The following TRIM5 variants were observed in gnomAD, a reference collection of about 807,000 sequenced individuals.
TRIM5 encodes tripartite motif containing 5, also known as tripartite motif-containing protein 5.
Under a neutral mutation model 35.6 loss-of-function variants are expected in TRIM5, and 31 were observed. The ratio of observed to expected loss-of-function variants is 0.87; its 90% confidence interval spans 0.65 to 1.18. The LOEUF is 1.18. TRIM5 is among the 50% of genes most tolerant of loss of function. The pLI is 0.00. For missense variants in TRIM5, 609 were observed against 591.6 expected (o/e 1.03, Z -0.31); for synonymous variants, 243 against 215.6 (o/e 1.13, Z -1.11).
chr11:5,667,332 G>A (rs911478346), intron 5 of TRIM5, among the ~76,000 whole-genome samples: 8 of 150,288 alleles, frequency 5.3e-5, no homozygotes, highest in Non-Finnish European at 7.4e-5. Flanking sequence ...TCAGCCTCCC[G>A]AATAGCTGGG....
downstream of TRIM5, among the ~76,000 whole-genome samples, chr11:5,659,938 G>A (rs1427565823): frequency 6.6e-6 from 1 of 151,738 alleles, no homozygotes; most frequent in African/African-American, 2.4e-5. Context: ...TTCTTTACGG[G>A]TACTCTACCA....
chr11:5,634,247 G>A, the TRIM5 span, among the ~76,000 whole-genome samples: 1 of 151,994 alleles, frequency 6.6e-6, no homozygotes, highest in Non-Finnish European at 1.5e-5. Context: ...GGTAAGGCAG[G>A]CAGTCATGAA....
At chr11:5,666,479 T>C (rs1310076814) in intron 5 of TRIM5, among the ~76,000 whole-genome samples, 3 of 152,082 alleles carry the variant, frequency 2.0e-5, no homozygotes, top group East Asian at 1.9e-4. Flanking sequence ...TCGCTATGTA[T>C]GTTGAGTTCC....
the TRIM5 span, among the ~76,000 whole-genome samples, chr11:5,657,122 T>C: frequency 6.6e-6 from 1 of 152,184 alleles, no homozygotes; most frequent in Non-Finnish European, 1.5e-5. Flanking sequence ...CATGGAATAC[T>C]ATGCAGCTAC....
chr11:5,602,968 AG>A, the TRIM5 span, among the ~76,000 whole-genome samples: 1 of 152,192 alleles, frequency 6.6e-6, no homozygotes, highest in Non-Finnish European at 1.5e-5. Context: ...AAGAAAAAAA[AG>A]AAAAGATCAC....
the TRIM5 span, chr11:5,604,530 C>G: frequency 2.5e-6 from 4 of 1,608,298 alleles, no homozygotes; most frequent in Non-Finnish European, 3.4e-6. Flanking sequence ...TTGTTTTCTT[C>G]AAGGAGAAGT....
chr11:5,630,596 C>A, the TRIM5 span, among the ~76,000 whole-genome samples: 1 of 152,194 alleles, frequency 6.6e-6, no homozygotes, highest in South Asian at 2.1e-4. Context: ...TTCCATGATT[C>A]CTTCTGCCTA....
the TRIM5 span, among the ~76,000 whole-genome samples, chr11:5,656,434 A>G: frequency 6.6e-6 from 1 of 151,514 alleles, no homozygotes; most frequent in South Asian, 2.1e-4. Flanking sequence ...GCTTACTGCA[A>G]CCTCTGCCTC....
the TRIM5 span, chr11:5,643,401 C>T: frequency 5.0e-6 from 8 of 1,614,124 alleles, no homozygotes; most frequent in Non-Finnish European, 5.9e-6. Context: ...TCGTCAAAAT[C>T]TTTACACCAA....
Position 5,678,225 on chromosome 11 carries a change from C to T in TRIM5, c.723G>A (p.Gly241=), listed in dbSNP as rs1489784053. ...TTACCTGAAGCAGCTCCATCACTGACCCCTGCAGCCGATGCTCCAGATCTG... is the reference window on the plus strand; with the variant it reads ...TTACCTGAAGCAGCTCCATCACTGATCCCTGCAGCCGATGCTCCAGATCTG... ...LISDLEHRLQ[G]SVMELLQGVD... is the part of the protein sequence containing the mutation. Residue 241 remains glycine, a synonymous_variant, in exon 4 of 8, where the codon GGG becomes GGA. Transcript: ENST00000380034. 3.1e-6 allele frequency: 5 copies of T among 1,612,810 alleles called. No homozygotes were observed. In the African/African-American group the frequency reaches 6.7e-5, roughly 22 times the overall value.
At position 5,664,374 on chromosome 11, in the gene TRIM5, C is replaced by T. The variant is rs61047121; in HGVS notation, c.*435G>A. The stretch of plus-strand genomic sequence containing the variant: ...CATTTATGATATTTTCTCTTTAACT[C>T]ACAAATAAGGGCATCGAGGGTAAAC... On this transcript the variant is annotated 3_prime_UTR_variant, in exon 8 of 8. Coordinates refer to ENST00000380034, the MANE Select transcript of TRIM5 (RefSeq NM_033034.3). 12 of 993,292 alleles carry T rather than the reference C, an allele frequency of 1.2e-5. No homozygotes were observed. The Admixed American group carries it at 6.7e-4, about 56-fold the overall frequency. 61.5% of individuals were successfully genotyped at this position (993,292 alleles called of 1,614,324 possible).
At chr11:5,618,804 A>T in the TRIM5 span, among the ~76,000 whole-genome samples, 4 of 152,234 alleles carry the variant, frequency 2.6e-5, no homozygotes, top group Non-Finnish European at 5.9e-5. Flanking sequence ...AGGAAATTCT[A>T]TTTTAAGCTT....
At chr11:5,628,474 T>C in the TRIM5 span, among the ~76,000 whole-genome samples, 2 of 152,230 alleles carry the variant, frequency 1.3e-5, no homozygotes, top group Non-Finnish European at 1.5e-5. Flanking sequence ...TTAGTATCTG[T>C]ACCATTGGCT....
chr11:5,608,530 G>A, the TRIM5 span: 1 of 1,372,740 alleles, frequency 7.3e-7, no homozygotes, highest in Non-Finnish European at 9.7e-7. Context: ...ATCACATGGA[G>A]TTTTGGCATC....
At chr11:5,641,095 GTTC>G in the TRIM5 span, 396 of 1,463,568 alleles carry the variant, frequency 2.7e-4, 1 homozygote, top group Admixed American at 9.6e-4. Context: ...TTTTCCTACT[GTTC>G]TTCTTTCTTT....
chr11:5,632,648 T>C, the TRIM5 span: 3 of 1,612,948 alleles, frequency 1.9e-6, no homozygotes, highest in East Asian at 6.7e-5. Context: ...AAACTCCTAC[T>C]CTTCTGTAAG....
At chr11:5,642,830 C>T in the TRIM5 span, 2 of 1,613,832 alleles carry the variant, frequency 1.2e-6, no homozygotes, top group Non-Finnish European at 1.7e-6. Flanking sequence ...TGACAGCTGT[C>T]CGGTGCTACT....
chr11:5,660,117 C>T (rs1433308889), downstream of TRIM5, among the ~76,000 whole-genome samples: 2 of 152,086 alleles, frequency 1.3e-5, no homozygotes, highest in Admixed American at 1.3e-4. Flanking sequence ...GCTGGGACTA[C>T]AGGCGCCCAC....
chr11:5,634,636 G>A, the TRIM5 span: 2 of 1,612,256 alleles, frequency 1.2e-6, no homozygotes, highest in Non-Finnish European at 1.7e-6. Context: ...TGCAGTATCA[G>A]GTACAAACTG....
Sources: allele counts gnomAD v4.1 joint callset (sites outside exome capture counted in the v4.1 genomes callset), GRCh38; gene constraint gnomAD v4.1.1; transcripts MANE v1.5; gene names NCBI Gene and HGNC (gene_info 2026-07-23, HGNC 2026-07-21).